The following NDST4 variants were observed in gnomAD, a reference collection of about 807,000 sequenced individuals.
NDST4 encodes the protein N-heparan sulfate sulfotransferase 4.
NDST4 carries 63 observed loss-of-function variants against 100.8 expected under a neutral mutation model. The observed-to-expected ratio is 0.62, with a 90% CI of 0.51 to 0.77. The LOEUF (loss-of-function observed/expected upper bound fraction) is 0.77. Ranked by LOEUF, NDST4 falls within the 30% of genes least tolerant of loss-of-function variation. NDST4 has a pLI of 0.00. For missense variants in NDST4, 943 were observed against 1,018.4 expected, an observed-to-expected ratio of 0.93 and a Z score of 1.01; for synonymous variants, 377 against 361.8, an observed-to-expected ratio of 1.04 and a Z score of -0.48.
intron 1 of NDST4, among the ~76,000 whole-genome samples, chr4:115,077,851 G>A (rs1373479504): frequency 6.6e-6 from 1 of 152,132 alleles, no homozygotes; most frequent in East Asian, 1.9e-4. Context: ...TTACAGCCCA[G>A]ATACATAGGA....
intron 6 of NDST4, among the ~76,000 whole-genome samples, chr4:114,915,478 CAA>C (rs1022712648): frequency 5.9e-5 from 9 of 152,038 alleles, no homozygotes; most frequent in African/African-American, 1.9e-4. Flanking sequence ...TCAAAATGTG[CAA>C]AGAGTTACAG....
intron 6 of NDST4, among the ~76,000 whole-genome samples, chr4:114,878,032 G>C (rs541525274): frequency 6.1e-4 from 93 of 151,760 alleles, no homozygotes; most frequent in African/African-American, 2.2e-3. Context: ...AGAGAAAAAA[G>C]AAATGAAAGG....
intron 1 of NDST4, among the ~76,000 whole-genome samples, chr4:115,108,001 T>C (rs528800832): frequency 6.6e-6 from 1 of 152,154 alleles, no homozygotes; most frequent in East Asian, 1.9e-4. Context: ...ATACTTTAGA[T>C]AAGTTGGTAG....
rs1250169573 is a variant in NDST4 at position 115,011,721 on chromosome 4, A to G, written c.979-34447T>C. Among the ~76,000 whole-genome samples, 9 of 151,920 alleles carry G rather than the reference A, an allele frequency of 5.9e-5. No homozygotes were observed. The East Asian group carries it at 1.7e-3, about 29-fold the overall frequency. On this transcript the variant is annotated intron_variant, in intron 2 of 13. Coordinates refer to ENST00000264363, the MANE Select transcript of NDST4 (RefSeq NM_022569.3). ...TTTTTATCTCTGTGAAAAATATAGA[A>G]CTTACTTTATTTTATATTCCAATAT...
At chr4:114,896,843 T>G (rs1221858862) in intron 6 of NDST4, among the ~76,000 whole-genome samples, 1 of 152,166 alleles carries the variant, frequency 6.6e-6, no homozygotes, top group Non-Finnish European at 1.5e-5. Flanking sequence ...TTTTGTCACC[T>G]TCTCTTTATG....
intron 4 of NDST4, among the ~76,000 whole-genome samples, chr4:114,963,814 T>C (rs1726319663): frequency 1.3e-5 from 2 of 152,186 alleles, no homozygotes; most frequent in Admixed American, 6.5e-5. Context: ...AATACGCAAA[T>C]ATTTTGAAAT....
At chr4:114,937,237 T>C in intron 5 of NDST4, 81 bp downstream of exon 5, 2 of 1,428,832 alleles carry the variant, frequency 1.4e-6, no homozygotes, top group Non-Finnish European at 2.0e-6. Flanking sequence ...CGAGGTTACA[T>C]CCTTAGAGGA....
intron 1 of NDST4, among the ~76,000 whole-genome samples, chr4:115,103,577 C>T (rs562049): frequency 0.77 from 117,298 of 152,092 alleles, 45,886 homozygotes; most frequent in African/African-American, 0.89. Flanking sequence ...TTATTTACTT[C>T]AGAGAGTTCT....
intron 1 of NDST4, among the ~76,000 whole-genome samples, chr4:115,079,062 C>G (rs1285507327): frequency 6.6e-6 from 1 of 151,840 alleles, no homozygotes; most frequent in African/African-American, 2.4e-5. Context: ...CCATTATACA[C>G]TACATTACTA....
chr4:115,090,667 A>T (rs1382682253), intron 1 of NDST4, among the ~76,000 whole-genome samples: 3 of 152,016 alleles, frequency 2.0e-5, no homozygotes, highest in Admixed American at 1.3e-4. Context: ...TTGGTCTCCT[A>T]ACTTTTTCAA....
At chr4:115,020,148 T>C (rs1487438385) in intron 2 of NDST4, among the ~76,000 whole-genome samples, 1 of 152,164 alleles carries the variant, frequency 6.6e-6, no homozygotes, top group South Asian at 2.1e-4. Context: ...ATTCTGGCGA[T>C]GGCTCAGAAG....
intron 4 of NDST4, among the ~76,000 whole-genome samples, chr4:114,939,841 C>T (rs753764330): frequency 1.3e-5 from 2 of 152,132 alleles, no homozygotes; most frequent in Non-Finnish European, 2.9e-5. Flanking sequence ...AATAGTATAT[C>T]ACACTATATA....
At chr4:115,056,670 A>T (rs1447755596) in intron 2 of NDST4, among the ~76,000 whole-genome samples, 1 of 152,166 alleles carries the variant, frequency 6.6e-6, no homozygotes, top group Non-Finnish European at 1.5e-5. Flanking sequence ...CTGTTTCTCC[A>T]TAAAACCAAA....
intron 9 of NDST4, among the ~76,000 whole-genome samples, chr4:114,847,433 AC>A (rs1723577208): frequency 6.8e-6 from 1 of 146,902 alleles, no homozygotes; most frequent in Admixed American, 6.9e-5. Context: ...TTCATTGCAA[AC>A]AGGTTCATGC....
chr4:115,072,643 G>T (rs78420467), intron 2 of NDST4, among the ~76,000 whole-genome samples: 33 of 152,000 alleles, frequency 2.2e-4, no homozygotes, highest in African/African-American at 7.9e-4. Context: ...ATAGGCAGAA[G>T]CATGAAATTA....
At chr4:115,111,042 A>G (rs535305352) in intron 1 of NDST4, among the ~76,000 whole-genome samples, 5 of 151,958 alleles carry the variant, frequency 3.3e-5, no homozygotes, top group Non-Finnish European at 7.4e-5. Context: ...GTTTGAACAC[A>G]GTATGCTAAA....
At chr4:114,951,332 G>T (rs867023679) in intron 4 of NDST4, among the ~76,000 whole-genome samples, 34 of 151,986 alleles carry the variant, frequency 2.2e-4, no homozygotes, top group Middle Eastern at 3.4e-3. Flanking sequence ...TTCAGTATGG[G>T]GTTATGGATA....
At chr4:114,930,155 T>A (rs1303073900) in intron 6 of NDST4, among the ~76,000 whole-genome samples, 14 of 152,214 alleles carry the variant, frequency 9.2e-5, no homozygotes, top group African/African-American at 1.4e-4. Flanking sequence ...TTGATGTTTT[T>A]AAAAAATATA....
At chr4:114,964,031 AG>A (rs1456529533) in intron 4 of NDST4, among the ~76,000 whole-genome samples, 1 of 152,168 alleles carries the variant, frequency 6.6e-6, no homozygotes, top group Non-Finnish European at 1.5e-5. Flanking sequence ...ATAAGTGAAG[AG>A]GTATTGCTTC....
Sources: allele counts gnomAD v4.1 joint callset (sites outside exome capture counted in the v4.1 genomes callset), GRCh38; gene constraint gnomAD v4.1.1; transcripts MANE v1.5; gene names NCBI Gene and HGNC (gene_info 2026-07-23, HGNC 2026-07-21).